Variants in PHLDB2 observed in about 807,000 individuals in gnomAD.
PHLDB2 encodes the protein pleckstrin homology like domain family B member 2.
A neutral mutation model predicts 123.6 loss-of-function variants in PHLDB2; 71 were observed. The observed-to-expected ratio is 0.57, with a 90% CI of 0.47 to 0.70. The LOEUF (loss-of-function observed/expected upper bound fraction) is 0.70, where lower values mean the gene tolerates loss of function less well. Ranked by LOEUF, PHLDB2 falls within the 30% of genes least tolerant of loss-of-function variation. The pLI is 0.00. For missense variants in PHLDB2, 1,446 were observed against 1,519.5 expected (o/e 0.95, Z 0.80); for synonymous variants, 547 against 541.6 (o/e 1.01, Z -0.14).
chr3:111,830,955 GAGAAAGAAAGAA>G (rs1174297730), intron 1 of PHLDB2, among the ~76,000 whole-genome samples: 19 of 63,704 alleles, frequency 3.0e-4, no homozygotes, highest in African/African-American at 1.1e-3. Context: ...AAGAAAGAAA[GAGAAAGAAAGAA>G]AGAAAGAAAG....
intron 1 of PHLDB2, among the ~76,000 whole-genome samples, chr3:111,825,603 A>T (rs1239653856): frequency 6.6e-6 from 1 of 152,172 alleles, no homozygotes; most frequent in Non-Finnish European, 1.5e-5. Context: ...GTGCACCACC[A>T]TGTCTGGCTA....
chr3:111,942,227 G>C (rs962679059), intron 8 of PHLDB2, among the ~76,000 whole-genome samples: 2 of 152,050 alleles, frequency 1.3e-5, no homozygotes, highest in Non-Finnish European at 2.9e-5. Flanking sequence ...TGTAAAAATT[G>C]TGGTCTATAA....
At chr3:111,918,195 T>C (rs1259205892) in intron 3 of PHLDB2, among the ~76,000 whole-genome samples, 2 of 152,194 alleles carry the variant, frequency 1.3e-5, no homozygotes, top group African/African-American at 4.8e-5. Context: ...ATTTTGACTG[T>C]GTGTGTGATC....
intron 1 of PHLDB2, among the ~76,000 whole-genome samples, chr3:111,876,692 G>A (rs1223916420): frequency 6.6e-6 from 1 of 151,932 alleles, no homozygotes; most frequent in African/African-American, 2.4e-5. Flanking sequence ...TCTACATTAA[G>A]TATTTCTCCT....
intron 2 of PHLDB2, among the ~76,000 whole-genome samples, chr3:111,901,299 G>T (rs992300323): frequency 1.5e-4 from 23 of 151,390 alleles, no homozygotes; most frequent in African/African-American, 4.9e-4. Flanking sequence ...GCTGGAGGTT[G>T]CAGTGAGCCA....
chr3:111,910,048 G>C (rs1290799153), intron 2 of PHLDB2, among the ~76,000 whole-genome samples: 2 of 152,148 alleles, frequency 1.3e-5, no homozygotes, highest in Non-Finnish European at 2.9e-5. Flanking sequence ...TGAGGGCTGT[G>C]AATCTGCAGT....
intron 1 of PHLDB2, among the ~76,000 whole-genome samples, chr3:111,881,616 A>G (rs563259149): frequency 1.6e-4 from 24 of 152,130 alleles, no homozygotes; most frequent in Non-Finnish European, 2.8e-4. Context: ...ATATAATATC[A>G]TATTTTTATG....
intron 12 of PHLDB2, among the ~76,000 whole-genome samples, chr3:111,959,104 A>G (rs2071230608): frequency 6.6e-6 from 1 of 152,248 alleles, no homozygotes; most frequent in Non-Finnish European, 1.5e-5. Flanking sequence ...GCCTCCTACC[A>G]GGTTACCCAG....
chr3:111,859,592 TGG>T lies in PHLDB2; in HGVS notation c.-15+17_-15+18del. The T allele has an allele frequency of 1.0e-6, 1 of 985,162 alleles. No individual in the cohort carries two copies. Among genetic ancestry groups the T allele is most frequent in the African/African-American group, 1.7e-5 (1 of 57,258 alleles). The allele number at this position is 985,162 out of a possible 1,614,324, so 61.0% of individuals were successfully genotyped here. A position where few individuals can be genotyped will look rare whatever the true frequency, so the allele number is the denominator to read the frequency against. ...CAATGGCCAGGTGAGGAGGCGGCGG[TGG>T]TCGCCCGGGAGGAGGGGGTGGTGCC... On this transcript the variant is annotated intron_variant, in intron 1 of 17. Transcript: ENST00000431670.
rs139322602 is a variant in PHLDB2 at position 111,854,010 on chromosome 3, C to A, written c.67+8075C>A. Among the ~76,000 whole-genome samples the A allele has an allele frequency of 1.4e-3, 209 of 152,284 alleles. 3 individuals are homozygous for A. In the East Asian group the frequency reaches 0.037, roughly 27 times the overall value. Reference sequence around the variant, plus strand: ...TAAAGAAATACCTGAGACTGGGTAACTTATAAAGGAAAGAGGTTTAATTGA... The same window carrying A: ...TAAAGAAATACCTGAGACTGGGTAAATTATAAAGGAAAGAGGTTTAATTGA... On this transcript the variant is annotated intron_variant, in intron 2 of 17. Coordinates refer to the PHLDB2 transcript ENST00000393923.
intron 1 of PHLDB2, among the ~76,000 whole-genome samples, chr3:111,783,016 C>T (rs990511162): frequency 6.6e-6 from 1 of 151,934 alleles, no homozygotes; most frequent in Non-Finnish European, 1.5e-5. Flanking sequence ...TAGTTCCTAT[C>T]TGTTTTCCCC....
At chr3:111,822,857 T>C (rs2062469373) in intron 1 of PHLDB2, among the ~76,000 whole-genome samples, 1 of 151,408 alleles carries the variant, frequency 6.6e-6, no homozygotes, top group Non-Finnish European at 1.5e-5. Flanking sequence ...TGAAAGTCCT[T>C]GTCTTGGAAG....
rs1315533759 is a variant in PHLDB2, at chr3:111,884,253, A to G, written c.176A>G (p.Tyr59Cys). Residue 59 changes from tyrosine (Y) to cysteine (C), a missense_variant, in exon 2 of 18, where the codon TAT becomes TGT. Physicochemically the swap from Tyr to Cys is radical, Grantham distance 194 (BLOSUM62 -2). Coordinates refer to ENST00000431670, the MANE Select transcript of PHLDB2 (RefSeq NM_001134438.2). ...FKANGDYSGS[Y>C]LTLSQPVPAK... Reference sequence around the variant, plus strand: ...GCCAATGGAGACTATTCTGGCTCCTATTTAACCCTCTCACAACCTGTGCCT... The same window carrying G: ...GCCAATGGAGACTATTCTGGCTCCTGTTTAACCCTCTCACAACCTGTGCCT... 1.9e-6 allele frequency: 3 copies of G among 1,614,010 alleles called. No individual in the cohort carries two copies. The highest frequency in any genetic ancestry group is 1.7e-5 in the Admixed American group (1 of 59,992).
chr3:111,923,145 A>C (rs1383241113), intron 5 of PHLDB2, among the ~76,000 whole-genome samples: 1 of 152,070 alleles, frequency 6.6e-6, no homozygotes, highest in Non-Finnish European at 1.5e-5. Context: ...TCATTTTCCA[A>C]TTAAACATTC....
At chr3:111,966,017 C>T (rs1217824329) in intron 13 of PHLDB2, among the ~76,000 whole-genome samples, 3 of 152,116 alleles carry the variant, frequency 2.0e-5, no homozygotes, top group Non-Finnish European at 4.4e-5. Context: ...ACAAAACTGG[C>T]CACTATCCAT....
At chr3:111,878,367 G>A (rs1167166351) in intron 1 of PHLDB2, among the ~76,000 whole-genome samples, 1 of 152,192 alleles carries the variant, frequency 6.6e-6, no homozygotes, top group Admixed American at 6.5e-5. Context: ...TGTTATTGGT[G>A]AATAGGAATG....
At chr3:111,837,967 G>C (rs551951793) in intron 1 of PHLDB2, among the ~76,000 whole-genome samples, 1 of 152,066 alleles carries the variant, frequency 6.6e-6, no homozygotes, top group Admixed American at 6.6e-5. Flanking sequence ...ACTTGAACCC[G>C]GGAGGTGGAG....
At chr3:111,734,847 C>T (rs1160120661) in intron 1 of PHLDB2, among the ~76,000 whole-genome samples, 1 of 152,184 alleles carries the variant, frequency 6.6e-6, no homozygotes, top group Non-Finnish European at 1.5e-5. Flanking sequence ...CTGACTAATA[C>T]AGTCAGAAGT....
At chr3:111,954,056 T>C (rs758173697) in intron 12 of PHLDB2, 27 bp downstream of exon 12, 24 of 1,589,126 alleles carry the variant, frequency 1.5e-5, no homozygotes, top group Non-Finnish European at 1.9e-5. Context: ...TCAAGTGTCA[T>C]GGCCTTTTGT....
Sources: gnomAD v4.1 joint callset for allele counts (sites outside exome capture counted in the v4.1 genomes callset) on GRCh38, gnomAD v4.1.1 for gene constraint, MANE v1.5 for transcripts, NCBI Gene and HGNC (gene_info 2026-07-23, HGNC 2026-07-21) for gene names.